PPIA: variants seen among roughly 807,000 people sequenced by gnomAD.
PPIA encodes the protein peptidyl-prolyl cis-trans isomerase A.
In PPIA, 2 loss-of-function variants were observed where a neutral mutation model predicts 15.3. The ratio of observed to expected loss-of-function variants is 0.13; its 90% CI spans 0.05 to 0.41. The LOEUF is 0.41. Ranked by LOEUF, PPIA falls within the 10% of genes least tolerant of loss-of-function variation. The probability of loss-of-function intolerance (pLI) is 0.99; values close to 1 mark genes in which losing one functional copy is unlikely to be tolerated. For synonymous variants in PPIA, 67 were observed against 73.1 expected (o/e 0.92, Z 0.43); for missense variants, 103 against 210.3 (o/e 0.49, Z 3.16).
At position 44,802,157 on chromosome 7, in the gene PPIA, T is replaced by G. The variant is rs1346285458; in HGVS notation, c.*735T>G. On this transcript the variant is annotated 3_prime_UTR_variant, in exon 5 of 5. Transcript: ENST00000468812. ...CTTCAAGATGACTAATGTCAAAAATTGAGACATCTGTTGCGGTTTTTTTTT... is the reference window on the plus strand; with the variant it reads ...CTTCAAGATGACTAATGTCAAAAATGGAGACATCTGTTGCGGTTTTTTTTT... 6.9e-6 allele frequency: 1 copy of G among 145,162 alleles called. No individual in the cohort carries two copies. Among genetic ancestry groups the G allele is most frequent in the Non-Finnish European group, 1.5e-5 (1 of 67,326 alleles). The allele number at this position is 145,162 out of a possible 1,614,324, so 9.0% of individuals were successfully genotyped here. A position where few individuals can be genotyped will look rare whatever the true frequency, so the allele number is the denominator to read the frequency against.
At chr7:44,799,928 G>C in intron 4 of PPIA, 54 bp downstream of exon 4, 2 of 1,561,732 alleles carry the variant, frequency 1.3e-6, no homozygotes, top group Non-Finnish European at 1.7e-6. Context: ...AGTTGCCCTG[G>C]GGGGAACGGA....
chr7:44,801,394 C>T lies in PPIA; in HGVS notation c.470C>T (p.Thr157Ile). 6.5e-7 allele frequency: 1 copy of T among 1,548,566 alleles called. No homozygotes were observed. Among genetic ancestry groups the T allele is most frequent in the South Asian group, 1.1e-5 (1 of 89,786 alleles). Residue 157 changes from threonine (T) to isoleucine (I), a missense_variant, in exon 5 of 5, where the codon ACC becomes ATC. Thr to Ile is a moderately conservative substitution (Grantham distance 89). Transcript: ENST00000468812. Reference sequence around the variant, plus strand: ...AATGGCAAGACCAGCAAGAAGATCACCATTGCTGACTGTGGACAACTCGAA... The same window carrying T: ...AATGGCAAGACCAGCAAGAAGATCATCATTGCTGACTGTGGACAACTCGAA... ...SRNGKTSKKI[T>I]IADCGQLE
At chr7:44,798,811 G>A in intron 1 of PPIA, 5 of 995,560 alleles carry the variant, frequency 5.0e-6, no homozygotes, top group Non-Finnish European at 6.0e-6. Context: ...TTAACAGATT[G>A]GAGGTAGTAG....
At chr7:44,799,983 A>G (rs1792497319) in intron 4 of PPIA, 109 bp downstream of exon 4, 7 of 1,119,750 alleles carry the variant, frequency 6.3e-6, no homozygotes, top group Non-Finnish European at 7.8e-6. Flanking sequence ...AGACTTTTTC[A>G]TCCCTAAGAT....
chr7:44,800,057 T>G, intron 4 of PPIA, 183 bp downstream of exon 4: 1 of 668,310 alleles, frequency 1.5e-6, no homozygotes, highest in Non-Finnish European at 2.5e-6. Flanking sequence ...TCAGATACTA[T>G]GATAGAAACT....
Position 44,799,755 on chromosome 7 carries a change from G to A in PPIA, c.243G>A (p.Glu81=), listed in dbSNP as rs756262789. 2 of 1,613,872 alleles carry A rather than the reference G, an allele frequency of 1.2e-6. No individual in the cohort carries two copies. Among genetic ancestry groups the A allele is most frequent in the African/African-American group, 2.7e-5 (2 of 74,920 alleles). ...CTGGTGGCAAGTCCATCTATGGGGA[G>A]AAATTTGAAGATGAGAACTTCATCC... The part of the protein sequence containing the change: ...NGTGGKSIYG[E]KFEDENFILK... Residue 81 remains glutamate, a synonymous_variant, in exon 4 of 5, where the codon GAG becomes GAA. Transcript: ENST00000468812.
intron 1 of PPIA, chr7:44,798,291 G>A (rs1378226390): frequency 1.3e-5 from 2 of 152,182 alleles, no homozygotes; most frequent in Non-Finnish European, 2.9e-5. Context: ...CAGGCGGGCG[G>A]ATCACGAAGT....
At chr7:44,799,118 G>T in intron 1 of PPIA, 129 bp from the exon 2 acceptor site, 1 of 1,214,152 alleles carries the variant, frequency 8.2e-7, no homozygotes, top group Non-Finnish European at 1.1e-6. Flanking sequence ...AGCAGTTCTT[G>T]GGAATTAAAG....
rs1382682122 is a variant in PPIA, at chr7:44,803,070, T to A, written c.*1648T>A. ...TTCAATGTCTTAATGTACTTGTGGC[T>A]CAGACCTGAGTGCAAGGTGGAAATA... is the stretch of plus-strand genomic sequence containing the variant. On this transcript the variant is annotated 3_prime_UTR_variant, in exon 5 of 5. Transcript: ENST00000468812. 1 of 152,250 alleles carries A rather than the reference T, an allele frequency of 6.6e-6. No homozygotes were observed. The highest frequency in any genetic ancestry group is 6.5e-5 in the Admixed American group (1 of 15,284). 9.4% of individuals were successfully genotyped at this position (152,250 alleles called of 1,614,324 possible).
chr7:44,798,927 G>A lies in PPIA; in HGVS notation c.70-320G>A, dbSNP rs1464786094. The A allele has an allele frequency of 7.3e-6, 8 of 1,098,328 alleles. No individual in the cohort carries two copies. In the South Asian group the frequency reaches 1.0e-4, roughly 14 times the overall value. The allele number at this position is 1,098,328 out of a possible 1,614,324, so 68.0% of individuals were successfully genotyped here. On this transcript the variant is annotated intron_variant, in intron 1 of 4. Transcript: ENST00000468812. ...CTTGTAAGTTCTAGCTCAAGTTGGG[G>A]GGTGGTGATAGACATTTAAGAAGCC...
At chr7:44,800,398 C>CTTTTTTTT (rs57466816) in intron 4 of PPIA, 1 of 142,290 alleles carries the variant, frequency 7.0e-6, no homozygotes. Flanking sequence ...CAATTAAGTG[C>CTTTTTTTT]TTTTTTTTTT....
chr7:44,797,024 G>C (rs1002135534), intron 1 of PPIA, among the ~76,000 whole-genome samples: 3 of 152,130 alleles, frequency 2.0e-5, no homozygotes, highest in Non-Finnish European at 2.9e-5. Context: ...GAGGCCGTTG[G>C]GGGAGGGGGC....
intron 4 of PPIA, 62 bp from the exon 5 acceptor site, chr7:44,801,225 A>G (rs577105411): frequency 3.2e-6 from 5 of 1,571,320 alleles, no homozygotes; most frequent in Middle Eastern, 4.3e-4. Context: ...GTCTTGGTTC[A>G]TGACACATGG....
Position 44,802,007 on chromosome 7 carries a change from TGCCACTGTACA to T in PPIA, c.*589_*599del, listed in dbSNP as rs1792577470. On this transcript the variant is annotated 3_prime_UTR_variant, in exon 5 of 5. Coordinates refer to ENST00000468812, the MANE Select transcript of PPIA (RefSeq NM_021130.5). ...TTGAGCCTAGAGTGAGCTATTATCA[TGCCACTGTACA>T]GCCTGGGTGTTCACAGATCTTGTGT... The T allele has an allele frequency of 6.5e-6, 1 of 154,752 alleles. No homozygotes were observed. The highest frequency in any genetic ancestry group is 2.4e-5 in the African/African-American group (1 of 41,428). The allele number at this position is 154,752 out of a possible 1,614,324, so 9.6% of individuals were successfully genotyped here. A position where few individuals can be genotyped will look rare whatever the true frequency, so the allele number is the denominator to read the frequency against.
rs1439233313 is a variant in PPIA, at chr7:44,799,070, C to G, written c.70-177C>G. On this transcript the variant is annotated intron_variant, in intron 1 of 4. Coordinates refer to ENST00000468812, the MANE Select transcript of PPIA (RefSeq NM_021130.5). ...TGGCATGTCTTTGGGTTTCATGTTT[C>G]TTAACCCAACTGCCTGCAGGGCCTT... The G allele has an allele frequency of 5.6e-6, 6 of 1,069,096 alleles. No homozygotes were observed. The East Asian group carries it at 1.4e-4, about 24-fold the overall frequency. The allele number at this position is 1,069,096 out of a possible 1,614,324, so 66.2% of individuals were successfully genotyped here.
Position 44,796,769 on chromosome 7 carries a change from G to A in PPIA, c.45G>A (p.Glu15=), listed in dbSNP as rs762270449. 1.4e-5 allele frequency: 23 copies of A among 1,609,544 alleles called. No homozygotes were observed. In the East Asian group the frequency reaches 4.8e-4, roughly 33 times the overall value. ...TCTTCGACATTGCCGTCGACGGCGA[G>A]CCCTTGGGCCGCGTCTCCTTTGAGG... ...TVFFDIAVDG[E]PLGRVSFELF... Residue 15 remains glutamate, a synonymous_variant, in exon 1 of 5, where the codon GAG becomes GAA. Coordinates refer to ENST00000468812, the MANE Select transcript of PPIA (RefSeq NM_021130.5).
chr7:44,799,570 G>C, intron 3 of PPIA, 90 bp downstream of exon 3: 1 of 1,568,646 alleles, frequency 6.4e-7, no homozygotes, highest in South Asian at 1.1e-5. Flanking sequence ...TATCTGAACT[G>C]TTACTCTACC....
chr7:44,798,235 C>T (rs1023979038), intron 1 of PPIA: 1 of 152,242 alleles, frequency 6.6e-6, no homozygotes, highest in African/African-American at 2.4e-5. Flanking sequence ...AAAGACCATA[C>T]ATTCTAGGTA....
intron 4 of PPIA, 110 bp downstream of exon 4, chr7:44,799,984 T>C: frequency 8.9e-7 from 1 of 1,119,818 alleles, no homozygotes; most frequent in Non-Finnish European, 1.3e-6. Context: ...GACTTTTTCA[T>C]CCCTAAGATA....
Sources: gnomAD v4.1 joint callset for allele counts (sites outside exome capture counted in the v4.1 genomes callset) on GRCh38, gnomAD v4.1.1 for gene constraint, MANE v1.5 for transcripts, NCBI Gene and HGNC (gene_info 2026-07-23, HGNC 2026-07-21) for gene names.